LRRC72: variants seen among roughly 807,000 people sequenced by gnomAD.
LRRC72 encodes leucine rich repeat containing 72.
Under a neutral mutation model 35.8 loss-of-function variants are expected in LRRC72, and 41 were observed. The ratio of observed to expected loss-of-function variants is 1.15; its 90% CI spans 0.89 to 1.49. The LOEUF (loss-of-function observed/expected upper bound fraction) is 1.49, where lower values mean the gene tolerates loss of function less well. Among genes scored for constraint, LRRC72 ranks in the 40% most tolerant of loss-of-function variants. LRRC72 has a pLI of 0.00. For synonymous variants in LRRC72, 118 were observed against 119.2 expected, an observed-to-expected ratio of 0.99 and a Z score of 0.07; for missense variants, 389 against 330.7, an observed-to-expected ratio of 1.18 and a Z score of -1.37.
chr7:16,569,143 G>T (rs557784671), intron 7 of LRRC72, among the ~76,000 whole-genome samples: 3 of 152,206 alleles, frequency 2.0e-5, no homozygotes, highest in African/African-American at 7.2e-5. Flanking sequence ...TTTAAGGACA[G>T]GTGGCCAGGT....
chr7:16,571,973 G>A (rs1040023913), intron 7 of LRRC72, among the ~76,000 whole-genome samples: 4 of 152,202 alleles, frequency 2.6e-5, no homozygotes, highest in Non-Finnish European at 4.4e-5. Flanking sequence ...CAGCACAACA[G>A]TCTGAAGTCG....
At chr7:16,543,546 A>G (rs935742180) in intron 3 of LRRC72, among the ~76,000 whole-genome samples, 1 of 152,136 alleles carries the variant, frequency 6.6e-6, no homozygotes, top group South Asian at 2.1e-4. Context: ...GTTTTGGTAC[A>G]TACTCCTCCT....
chr7:16,564,466 C>T (rs1430801909), intron 5 of LRRC72, among the ~76,000 whole-genome samples: 1 of 151,964 alleles, frequency 6.6e-6, no homozygotes, highest in Non-Finnish European at 1.5e-5. Flanking sequence ...AAATCCTTCT[C>T]TTTCAAGAAT....
chr7:16,544,313 C>G (rs761055129), intron 3 of LRRC72, among the ~76,000 whole-genome samples: 2 of 152,146 alleles, frequency 1.3e-5, no homozygotes, highest in Non-Finnish European at 2.9e-5. Context: ...CTAAGGACCT[C>G]CAACATCCTA....
intron 5 of LRRC72, among the ~76,000 whole-genome samples, chr7:16,559,678 A>C (rs1782711271): frequency 1.3e-5 from 2 of 152,130 alleles, no homozygotes; most frequent in African/African-American, 4.8e-5. Context: ...TTTTAAATAG[A>C]TGAGTGTTGC....
At chr7:16,556,147 T>C (rs1047460488) in intron 3 of LRRC72, among the ~76,000 whole-genome samples, 2 of 152,150 alleles carry the variant, frequency 1.3e-5, no homozygotes, top group South Asian at 2.1e-4. Context: ...GAATACCCCA[T>C]ATTATGTATA....
intron 3 of LRRC72, 37 bp downstream of exon 3, chr7:16,537,733 A>C (rs1332255867): frequency 1.7e-6 from 2 of 1,160,200 alleles, no homozygotes; most frequent in Non-Finnish European, 2.4e-6. Context: ...ACTAAAATTA[A>C]ACTACTATCT....
intron 3 of LRRC72, among the ~76,000 whole-genome samples, chr7:16,544,951 T>C (rs748344431): frequency 6.8e-6 from 1 of 146,578 alleles, no homozygotes; most frequent in Admixed American, 6.8e-5. Flanking sequence ...TTTATAAACA[T>C]CATTATCTAA....
rs927687972 is a variant in LRRC72 at position 16,546,344 on chromosome 7, T to G, written c.234+8648T>G. Among the ~76,000 whole-genome samples, 5 of 152,274 alleles carry G rather than the reference T, an allele frequency of 3.3e-5. No homozygotes were observed. The East Asian group carries it at 9.7e-4, about 29-fold the overall frequency. ...TGCTACTATTGCGTTTTGACCTGGA[T>G]AATTCTTGGTGGTAGAGTCTGTCCT... On this transcript the variant is annotated intron_variant, in intron 3 of 8. Transcript: ENST00000401542.
At chr7:16,535,847 C>A (rs575773699) in intron 2 of LRRC72, among the ~76,000 whole-genome samples, 1 of 152,284 alleles carries the variant, frequency 6.6e-6, no homozygotes, top group East Asian at 1.9e-4. Flanking sequence ...ATCCTGGACT[C>A]TCCAAAAAGC....
chr7:16,531,629 T>C (rs1782166958), intron 1 of LRRC72, among the ~76,000 whole-genome samples: 1 of 152,210 alleles, frequency 6.6e-6, no homozygotes, highest in Admixed American at 6.5e-5. Flanking sequence ...ACAATGTTTG[T>C]CAGATTCCAG....
At chr7:16,570,672 T>A (rs1336161731) in intron 7 of LRRC72, among the ~76,000 whole-genome samples, 1 of 151,956 alleles carries the variant, frequency 6.6e-6, no homozygotes, top group African/African-American at 2.4e-5. Context: ...ATACAAAAAT[T>A]AGCTGGGTTT....
intron 7 of LRRC72, among the ~76,000 whole-genome samples, chr7:16,576,312 C>T (rs1783039434): frequency 6.6e-6 from 1 of 151,880 alleles, no homozygotes. Context: ...ATAAATCTTA[C>T]CTTATGGTGA....
intron 5 of LRRC72, among the ~76,000 whole-genome samples, chr7:16,560,360 C>G (rs1048793605): frequency 5.3e-5 from 8 of 152,100 alleles, no homozygotes. Flanking sequence ...ATCTACTGTA[C>G]TGAGGGAAAA....
chr7:16,527,720 G>A (rs970472887), intron 1 of LRRC72, among the ~76,000 whole-genome samples: 1 of 152,150 alleles, frequency 6.6e-6, no homozygotes, highest in East Asian at 1.9e-4. Context: ...GTGATTAAAC[G>A]AGGCCGAGAG....
At chr7:16,551,162 C>T (rs760332065) in intron 3 of LRRC72, among the ~76,000 whole-genome samples, 3 of 152,080 alleles carry the variant, frequency 2.0e-5, no homozygotes, top group African/African-American at 2.4e-5. Flanking sequence ...CAGAGAGAGC[C>T]AGAGACTAGA....
At chr7:16,541,198 C>G (rs1782351079) in intron 3 of LRRC72, among the ~76,000 whole-genome samples, 1 of 152,206 alleles carries the variant, frequency 6.6e-6, no homozygotes, top group Non-Finnish European at 1.5e-5. Context: ...AGGTTGTTTG[C>G]AACTTTCAAA....
At chr7:16,539,956 G>A (rs906245076) in intron 3 of LRRC72, among the ~76,000 whole-genome samples, 1 of 152,234 alleles carries the variant, frequency 6.6e-6, no homozygotes, top group Non-Finnish European at 1.5e-5. Context: ...AATGCAGAGG[G>A]GAAATGTGAG....
At chr7:16,552,098 C>G (rs1782563130) in intron 3 of LRRC72, among the ~76,000 whole-genome samples, 2 of 152,162 alleles carry the variant, frequency 1.3e-5, no homozygotes, top group Admixed American at 6.5e-5. Context: ...CAAAAAAAGT[C>G]TTCTGTGTTG....
Sources: allele counts gnomAD v4.1 joint callset (sites outside exome capture counted in the v4.1 genomes callset), GRCh38; gene constraint gnomAD v4.1.1; transcripts MANE v1.5; gene names NCBI Gene and HGNC (gene_info 2026-07-23, HGNC 2026-07-21).